Variants in SLC9A9 observed in about 807,000 individuals in gnomAD.
SLC9A9 encodes solute carrier family 9 member A9, also known as sodium/hydrogen exchanger 9.
Under a neutral mutation model 77.8 loss-of-function variants are expected in SLC9A9, and 62 were observed. The observed-to-expected ratio is 0.80, with a 90% confidence interval of 0.65 to 0.98. SLC9A9 has a LOEUF of 0.98. Among genes scored for constraint, SLC9A9 ranks in the 50% least tolerant of loss-of-function variants. The pLI, the probability that SLC9A9 is intolerant of heterozygous loss-of-function variation, is 0.00. For synonymous variants in SLC9A9, 320 were observed against 283.5 expected, an observed-to-expected ratio of 1.13 and a Z score of -1.29; for missense variants, 775 against 774.9, an observed-to-expected ratio of 1.00 and a Z score of 0.00.
chr3:143,717,272 C>T (rs772673077), intron 4 of SLC9A9, among the ~76,000 whole-genome samples: 5 of 152,150 alleles, frequency 3.3e-5, no homozygotes, highest in Non-Finnish European at 7.4e-5. Flanking sequence ...CCAGTGATAC[C>T]ATGTTGCTGG....
At chr3:143,530,357 A>G (rs1837609) in intron 9 of SLC9A9, among the ~76,000 whole-genome samples, 147,115 of 152,162 alleles carry the variant, frequency 0.97, 71,203 homozygotes, top group African/African-American at 0.99. Flanking sequence ...TCTCACGAGA[A>G]CTGATGGTTT....
rs369066391 is a variant in SLC9A9 at position 143,666,867 on chromosome 3, G to A, written c.650-14507C>T. Among the ~76,000 whole-genome samples, 5 of 152,152 alleles carry A rather than the reference G, an allele frequency of 3.3e-5. No individual in the cohort carries two copies. The East Asian group carries it at 5.8e-4, about 18-fold the overall frequency. On this transcript the variant is annotated intron_variant, in intron 5 of 15. Transcript: ENST00000316549. ...AAATGGAAGAACATTCCATGCTCAC[G>A]AATAGGAATCATCAATATCATGAAA...
In SLC9A9 at chr3:143,490,368, C is replaced by G. The variant is rs958079772; in HGVS notation, c.1315+3285G>C. Among the ~76,000 whole-genome samples, 4 of 151,940 alleles carry G rather than the reference C, an allele frequency of 2.6e-5. No individual in the cohort carries two copies. The South Asian group carries it at 8.3e-4, about 32-fold the overall frequency. On this transcript the variant is annotated intron_variant, in intron 11 of 15. Coordinates refer to ENST00000316549, the MANE Select transcript of SLC9A9 (RefSeq NM_173653.4). Reference sequence around the variant, plus strand: ...AACAGGAAGGAAATTTTATAATATGCTATAACATGGATGAACCTTGAGGAT... The same window carrying G: ...AACAGGAAGGAAATTTTATAATATGGTATAACATGGATGAACCTTGAGGAT...
intron 2 of SLC9A9, among the ~76,000 whole-genome samples, chr3:143,806,935 C>T (rs943999253): frequency 6.6e-6 from 1 of 152,152 alleles, no homozygotes; most frequent in Non-Finnish European, 1.5e-5. Context: ...ACCTTCACCA[C>T]TAAAATTTTT....
chr3:143,347,568 G>A (rs1034231070), intron 14 of SLC9A9, among the ~76,000 whole-genome samples: 3 of 152,120 alleles, frequency 2.0e-5, no homozygotes, highest in Non-Finnish European at 4.4e-5. Context: ...AAGGGCACCC[G>A]GATAGGGGAA....
At chr3:143,309,092 TTCTATTTGGACC>T (rs1460866613) in intron 14 of SLC9A9, among the ~76,000 whole-genome samples, 2 of 152,198 alleles carry the variant, frequency 1.3e-5, no homozygotes, top group African/African-American at 4.8e-5. Context: ...CTTGCTAAGA[TTCTATTTGGACC>T]TCAAGTTCCA....
chr3:143,708,990 T>C (rs1392005312), intron 4 of SLC9A9, among the ~76,000 whole-genome samples: 1 of 152,178 alleles, frequency 6.6e-6, no homozygotes, highest in Non-Finnish European at 1.5e-5. Flanking sequence ...AAGGTGAGTC[T>C]ATCCTGATGA....
chr3:143,558,034 T>C (rs2037017547), intron 8 of SLC9A9, among the ~76,000 whole-genome samples: 1 of 152,184 alleles, frequency 6.6e-6, no homozygotes, highest in Non-Finnish European at 1.5e-5. Context: ...AAAAAATGGT[T>C]TAATGGGCCT....
intron 9 of SLC9A9, among the ~76,000 whole-genome samples, chr3:143,545,193 A>T (rs1279359951): frequency 1.3e-5 from 2 of 151,926 alleles, no homozygotes; most frequent in Non-Finnish European, 2.9e-5. Context: ...TTTTGATTTT[A>T]TCCTCCATGA....
intron 12 of SLC9A9, among the ~76,000 whole-genome samples, chr3:143,394,955 A>C (rs2033688517): frequency 6.6e-6 from 1 of 152,234 alleles, no homozygotes; most frequent in Admixed American, 6.5e-5. Context: ...AAGAGGATAC[A>C]AACAAATGGG....
intron 2 of SLC9A9, among the ~76,000 whole-genome samples, chr3:143,807,559 C>T (rs904552630): frequency 2.7e-4 from 41 of 152,138 alleles, no homozygotes; most frequent in African/African-American, 9.9e-4. Flanking sequence ...AGCCAAGCTT[C>T]CTGGGTTCAA....
At chr3:143,744,862 T>A (rs558359971) in intron 4 of SLC9A9, among the ~76,000 whole-genome samples, 2 of 152,312 alleles carry the variant, frequency 1.3e-5, no homozygotes, top group African/African-American at 4.8e-5. Context: ...AAGTTTTTAA[T>A]GAGGCAGGCA....
chr3:143,422,743 T>C (rs989791001), intron 12 of SLC9A9, among the ~76,000 whole-genome samples: 1 of 152,080 alleles, frequency 6.6e-6, no homozygotes, highest in African/African-American at 2.4e-5. Context: ...AAAATAAAAG[T>C]TGACATTATT....
chr3:143,645,176 C>A (rs2038684080), intron 6 of SLC9A9, among the ~76,000 whole-genome samples: 1 of 152,174 alleles, frequency 6.6e-6, no homozygotes, highest in East Asian at 1.9e-4. Flanking sequence ...TGAACTCATT[C>A]ATTCAGTAGT....
chr3:143,796,945 T>C lies in SLC9A9; in HGVS notation c.379-42A>G, dbSNP rs368806428. On this transcript the variant is annotated intron_variant, in intron 2 of 15. Transcript: ENST00000316549. Reference sequence around the variant, plus strand: ...AAAGGATAGTTAGAATGATGCTCCTTTGGGTCATTAAAAAAACATGTTTCA... The same window carrying C: ...AAAGGATAGTTAGAATGATGCTCCTCTGGGTCATTAAAAAAACATGTTTCA... 1.5e-4 allele frequency: 223 copies of C among 1,486,976 alleles called. No individual in the cohort carries two copies. Among genetic ancestry groups the C allele is most frequent in the Non-Finnish European group, 2.0e-4 (216 of 1,068,754 alleles). 92.1% of individuals were successfully genotyped at this position (1,486,976 alleles called of 1,614,324 possible). A position where few individuals can be genotyped will look rare whatever the true frequency, so the allele number is the denominator to read the frequency against.
chr3:143,410,065 C>A (rs1355646527), intron 12 of SLC9A9, among the ~76,000 whole-genome samples: 1 of 152,162 alleles, frequency 6.6e-6, no homozygotes, highest in African/African-American at 2.4e-5. Context: ...TGAAGAAATG[C>A]GGACTTTGTC....
chr3:143,848,010 CT>C (rs1339087793), intron 1 of SLC9A9, 137 bp downstream of exon 1: 9 of 917,516 alleles, frequency 9.8e-6, no homozygotes, highest in Non-Finnish European at 1.2e-5. Context: ...ATTCGTTACG[CT>C]GCAGCACCTT....
rs77118901 is a variant in SLC9A9 at position 143,600,789 on chromosome 3, C to T, written c.756-22066G>A. On this transcript the variant is annotated intron_variant, in intron 6 of 15. Transcript: ENST00000316549. ...ATAGACTGTTAAATTAACCATAAGGCTGAAAACATTTTCTCCACAAATGTT... is the reference window on the plus strand; with the variant it reads ...ATAGACTGTTAAATTAACCATAAGGTTGAAAACATTTTCTCCACAAATGTT... Among the ~76,000 whole-genome samples the T allele has an allele frequency of 9.7e-4, 147 of 152,304 alleles. 1 individual carries two copies. The highest frequency in any genetic ancestry group is 1.8e-3 in the Non-Finnish European group (122 of 68,028).
intron 12 of SLC9A9, among the ~76,000 whole-genome samples, chr3:143,457,844 G>GT (rs1398924851): frequency 6.6e-6 from 1 of 152,100 alleles, no homozygotes; most frequent in Non-Finnish European, 1.5e-5. Flanking sequence ...ATTAGAAAAG[G>GT]TTTTATGACC....
Sources: gnomAD v4.1 joint callset for allele counts (sites outside exome capture counted in the v4.1 genomes callset) on GRCh38, gnomAD v4.1.1 for gene constraint, MANE v1.5 for transcripts, NCBI Gene and HGNC (gene_info 2026-07-23, HGNC 2026-07-21) for gene names.